Variants in EPM2A observed in about 807,000 individuals in gnomAD.
EPM2A encodes laforin.
EPM2A carries 21 observed loss-of-function variants against 26.5 expected under a neutral mutation model. The observed-to-expected ratio is 0.79, with a 90% CI of 0.56 to 1.14. The LOEUF (loss-of-function observed/expected upper bound fraction) is 1.14, where lower values mean the gene tolerates loss of function less well. EPM2A is among the 50% of genes most tolerant of loss of function. The pLI is 0.00. For synonymous variants in EPM2A, 217 were observed against 177.6 expected (o/e 1.22, Z -1.76); for missense variants, 458 against 440.8 (o/e 1.04, Z -0.35).
chr6:145,441,973 A>G (rs917897766), intron 4 of EPM2A, among the ~76,000 whole-genome samples: 2 of 152,180 alleles, frequency 1.3e-5, no homozygotes, highest in Non-Finnish European at 2.9e-5. Flanking sequence ...GATACCCTAA[A>G]TCATCTTCCT....
chr6:145,444,878 T>A (rs1019273196), intron 4 of EPM2A, among the ~76,000 whole-genome samples: 1 of 152,176 alleles, frequency 6.6e-6, no homozygotes, highest in Non-Finnish European at 1.5e-5. Flanking sequence ...TGTTTGTTTG[T>A]TAAGTGACTT....
chr6:145,515,975 T>C (rs1780120775), intron 2 of EPM2A, among the ~76,000 whole-genome samples: 2 of 152,202 alleles, frequency 1.3e-5, no homozygotes, highest in African/African-American at 2.4e-5. Context: ...TTGCTAGACA[T>C]TGGCTGTGAG....
At chr6:145,452,530 G>T (rs1257505804) in intron 4 of EPM2A, among the ~76,000 whole-genome samples, 4 of 143,250 alleles carry the variant, frequency 2.8e-5, no homozygotes, top group Non-Finnish European at 4.5e-5. Context: ...AAAATAGCCG[G>T]GCGTTGTGGC....
At chr6:145,528,758 T>C (rs1780314239) in intron 2 of EPM2A, among the ~76,000 whole-genome samples, 1 of 152,144 alleles carries the variant, frequency 6.6e-6, no homozygotes, top group African/African-American at 2.4e-5. Context: ...TTTCAAGTTA[T>C]ATTCTTTAAG....
intron 1 of EPM2A, among the ~76,000 whole-genome samples, chr6:145,731,075 T>TAA (rs200330035): frequency 1.2e-4 from 18 of 144,114 alleles, no homozygotes; most frequent in African/African-American, 4.0e-4. Flanking sequence ...GACCTAGAGG[T>TAA]AAAAAAAAAA....
chr6:145,446,320 A>G (rs1322387994), intron 4 of EPM2A, among the ~76,000 whole-genome samples: 2 of 152,230 alleles, frequency 1.3e-5, no homozygotes, highest in Non-Finnish European at 1.5e-5. Flanking sequence ...TATGATATCA[A>G]GTTCTGGTAT....
rs148825485 is a variant in EPM2A, at chr6:145,658,921, C to T, written c.477-23435G>A. 2.7e-3 allele frequency among the ~76,000 whole-genome samples: 411 copies of T among 151,980 alleles called. 6 individuals are homozygous for T. The highest frequency in any genetic ancestry group is 2.8e-4 in the Non-Finnish European group (19 of 67,978). ...TTAGGCTTAGATACTTTTTCATATA[C>T]CAATTCCAGAAAGATTTTTCAGGCT... On this transcript the variant is annotated intron_variant, in intron 2 of 3. Transcript: ENST00000367519.
intron 2 of EPM2A, among the ~76,000 whole-genome samples, chr6:145,554,523 T>C (rs543707487): frequency 1.2e-3 from 185 of 152,174 alleles, no homozygotes; most frequent in African/African-American, 4.0e-3. Context: ...TCCTAGTTCA[T>C]GTTCTGTTGC....
At chr6:145,620,152 T>C (rs925255551) in intron 2 of EPM2A, among the ~76,000 whole-genome samples, 1 of 152,200 alleles carries the variant, frequency 6.6e-6, no homozygotes, top group Admixed American at 6.5e-5. Flanking sequence ...GGACCAGTTT[T>C]GTGAAAGACA....
intron 4 of EPM2A, among the ~76,000 whole-genome samples, chr6:145,472,680 T>A (rs1270813034): frequency 1.3e-5 from 2 of 152,090 alleles, no homozygotes; most frequent in Non-Finnish European, 2.9e-5. Context: ...CTCCCCTGCC[T>A]TTGAAAAGGG....
Position 145,626,569 on chromosome 6 carries a change from C to G in EPM2A, c.*847G>C, listed in dbSNP as rs1272291321. Reference sequence around the variant, plus strand: ...TGACTATACCCTGAGAAAGACAAAACTAAATGCACTACATGATGCTGGGAA... The same window carrying G: ...TGACTATACCCTGAGAAAGACAAAAGTAAATGCACTACATGATGCTGGGAA... On this transcript the variant is annotated 3_prime_UTR_variant, in exon 4 of 4. Transcript: ENST00000367519. The G allele has an allele frequency of 1.0e-6, 1 of 985,610 alleles. No homozygotes were observed. The highest frequency in any genetic ancestry group is 1.2e-6 in the Non-Finnish European group (1 of 829,948). 61.1% of individuals were successfully genotyped at this position (985,610 alleles called of 1,614,324 possible).
intron 2 of EPM2A, among the ~76,000 whole-genome samples, chr6:145,591,605 C>A (rs562517430): frequency 6.6e-6 from 1 of 152,192 alleles, no homozygotes; most frequent in African/African-American, 2.4e-5. Context: ...ACAAAATTAT[C>A]TTTAAAAAGT....
intron 4 of EPM2A, among the ~76,000 whole-genome samples, chr6:145,423,179 G>C (rs1396641): frequency 0.79 from 120,722 of 151,994 alleles, 48,051 homozygotes; most frequent in East Asian, 0.91. Flanking sequence ...ATTCAATAGA[G>C]CATCATTTTT....
intron 2 of EPM2A, among the ~76,000 whole-genome samples, chr6:145,554,455 GA>G: frequency 6.7e-6 from 1 of 148,522 alleles, no homozygotes; most frequent in Non-Finnish European, 1.5e-5. Context: ...TAGATAGATA[GA>G]TAGATAGATA....
chr6:145,698,761 T>C lies in EPM2A; in HGVS notation c.302-12465A>G, dbSNP rs377374302. Among the ~76,000 whole-genome samples the C allele has an allele frequency of 3.9e-5, 6 of 152,296 alleles. No homozygotes were observed. In the South Asian group the frequency reaches 8.3e-4, roughly 21 times the overall value. ...AAGCCCTGACCTCCCAATGTGATTATATTTAAACATAGGACCTTAATTAAG... is the reference window on the plus strand; with the variant it reads ...AAGCCCTGACCTCCCAATGTGATTACATTTAAACATAGGACCTTAATTAAG... On this transcript the variant is annotated intron_variant, in intron 1 of 3. Transcript: ENST00000367519.
At chr6:145,670,938 A>C (rs1426340133) in intron 2 of EPM2A, 1 of 985,076 alleles carries the variant, frequency 1.0e-6, no homozygotes, top group East Asian at 1.1e-4. Flanking sequence ...AAAAAGGAGA[A>C]GCATGTTGTT....
downstream of EPM2A, among the ~76,000 whole-genome samples, chr6:145,500,227 T>C (rs1420178598): frequency 6.6e-6 from 1 of 152,180 alleles, no homozygotes; most frequent in African/African-American, 2.4e-5. Context: ...CGTCAAAACA[T>C]CCTTCATCAA....
intron 2 of EPM2A, among the ~76,000 whole-genome samples, chr6:145,534,307 G>A (rs1780401999): frequency 1.3e-5 from 2 of 152,178 alleles, no homozygotes; most frequent in Admixed American, 1.3e-4. Context: ...TTTACCTTGA[G>A]TGAAAATGAG....
chr6:145,702,998 T>C (rs146893948), intron 1 of EPM2A, among the ~76,000 whole-genome samples: 86 of 152,348 alleles, frequency 5.6e-4, no homozygotes, highest in Non-Finnish European at 8.8e-4. Context: ...TATTCCTATC[T>C]GTGGGACAAA....
Sources: allele counts gnomAD v4.1 joint callset (sites outside exome capture counted in the v4.1 genomes callset), GRCh38; gene constraint gnomAD v4.1.1; transcripts MANE v1.5; gene names NCBI Gene and HGNC (gene_info 2026-07-23, HGNC 2026-07-21).